The following KCND2 variants were observed in gnomAD, a reference collection of about 807,000 sequenced individuals.
KCND2 encodes A-type voltage-gated potassium channel KCND2.
In KCND2, 16 loss-of-function variants were observed where a neutral mutation model predicts 54.4. That is an observed-to-expected ratio of 0.29 (90% CI 0.20 to 0.45). The LOEUF (loss-of-function observed/expected upper bound fraction) is 0.45. Among genes scored for constraint, KCND2 ranks in the 20% least tolerant of loss-of-function variants. The pLI is 1.00. For missense variants in KCND2, 486 were observed against 824.2 expected (o/e 0.59, Z 5.02); for synonymous variants, 317 against 310.7 (o/e 1.02, Z -0.21).
intron 1 of KCND2, among the ~76,000 whole-genome samples, chr7:120,662,053 G>T (rs1490565038): frequency 1.3e-5 from 2 of 151,924 alleles, no homozygotes; most frequent in African/African-American, 4.8e-5. Context: ...CAATTCTTTG[G>T]CTCTTCATTT....
At chr7:120,298,796 G>A (rs908974190) in intron 1 of KCND2, among the ~76,000 whole-genome samples, 10 of 152,208 alleles carry the variant, frequency 6.6e-5, no homozygotes, top group African/African-American at 1.9e-4. Flanking sequence ...ATTAGAAAGT[G>A]TAGCGAAGTC....
chr7:120,360,346 A>G (rs1800575882), intron 1 of KCND2, among the ~76,000 whole-genome samples: 1 of 152,016 alleles, frequency 6.6e-6, no homozygotes, highest in Non-Finnish European at 1.5e-5. Context: ...ATTTCCAGTG[A>G]TATCCTAATA....
At chr7:120,344,117 T>C (rs1800278973) in intron 1 of KCND2, among the ~76,000 whole-genome samples, 1 of 152,198 alleles carries the variant, frequency 6.6e-6, no homozygotes, top group Admixed American at 6.5e-5. Flanking sequence ...GTCATAGTTA[T>C]AGCAACCGAA....
intron 1 of KCND2, among the ~76,000 whole-genome samples, chr7:120,315,764 CAGTGTG>C (rs892817619): frequency 9.7e-6 from 1 of 103,582 alleles, no homozygotes; most frequent in African/African-American, 3.9e-5. Context: ...TTTCCATAAG[CAGTGTG>C]TGTGTGTGTG....
At position 120,517,003 on chromosome 7, in the gene KCND2, G is replaced by A. The variant is rs774538302; in HGVS notation, c.1116-215900G>A. On this transcript the variant is annotated intron_variant, in intron 1 of 5. Coordinates refer to ENST00000331113, the MANE Select transcript of KCND2 (RefSeq NM_012281.3). ...TGTCAAAATTTTATTTTCTCCAAAG[G>A]AAACTATTTGATCCAGTAAAATAAT... Among the ~76,000 whole-genome samples the A allele has an allele frequency of 2.1e-3, 312 of 152,146 alleles. 1 individual carries two copies. Among genetic ancestry groups the A allele is most frequent in the Non-Finnish European group, 3.4e-3 (234 of 67,956 alleles).
intron 1 of KCND2, among the ~76,000 whole-genome samples, chr7:120,400,141 G>A (rs1467059207): frequency 6.6e-6 from 1 of 151,940 alleles, no homozygotes; most frequent in Admixed American, 6.6e-5. Flanking sequence ...GCAAAAATAG[G>A]GGTCAAAGCA....
chr7:120,700,610 T>TA (rs1258465566), intron 1 of KCND2, among the ~76,000 whole-genome samples: 2 of 152,186 alleles, frequency 1.3e-5, no homozygotes, highest in Admixed American at 6.5e-5. Flanking sequence ...TTGGAGAATT[T>TA]AAAAAATAGA....
rs1347500811 is a variant in KCND2, at chr7:120,441,687, CAACT to C, written c.1115+165947_1115+165950del. ...GAAGATTTTCCTGTATCTAGTTAGA[CAACT>C]AACTAATTGCTGAGTGAGTTAAACA... is the stretch of plus-strand genomic sequence containing the variant. On this transcript the variant is annotated intron_variant, in intron 1 of 5. Transcript: ENST00000331113. Among the ~76,000 whole-genome samples the C allele has an allele frequency of 5.9e-5, 9 of 152,148 alleles. No individual in the cohort carries two copies. In the South Asian group the frequency reaches 1.0e-3, roughly 18 times the overall value.
At chr7:120,669,474 G>T (rs1791965824) in intron 1 of KCND2, among the ~76,000 whole-genome samples, 2 of 151,818 alleles carry the variant, frequency 1.3e-5, no homozygotes, top group Admixed American at 1.3e-4. Context: ...TTTTTGACTT[G>T]GTGCCCTGGA....
At chr7:120,499,990 A>C (rs961699146) in intron 1 of KCND2, among the ~76,000 whole-genome samples, 1 of 152,200 alleles carries the variant, frequency 6.6e-6, no homozygotes, top group African/African-American at 2.4e-5. Context: ...GAAATGCAAT[A>C]GCCATAGATG....
chr7:120,644,014 CTCAAA>C (rs1450608653), intron 1 of KCND2, among the ~76,000 whole-genome samples: 1 of 151,974 alleles, frequency 6.6e-6, no homozygotes, highest in Non-Finnish European at 1.5e-5. Flanking sequence ...CATAAACCAT[CTCAAA>C]ATGAACTTTG....
intron 1 of KCND2, among the ~76,000 whole-genome samples, chr7:120,460,114 A>G (rs1489756628): frequency 4.6e-5 from 7 of 152,050 alleles, no homozygotes; most frequent in Non-Finnish European, 1.0e-4. Context: ...TTTCCTAGCT[A>G]TATTCTAGGG....
In KCND2 at chr7:120,465,818, A is replaced by G. The variant is rs147586178; in HGVS notation, c.1115+190071A>G. 4.7e-3 allele frequency among the ~76,000 whole-genome samples: 716 copies of G among 152,324 alleles called. 6 individuals carry two copies. Among genetic ancestry groups the G allele is most frequent in the African/African-American group, 0.016 (673 of 41,576 alleles). ...TGAAAGAATTACCCCAAAGAAAAGC[A>G]TAAGAATATAGGAGTGAGAATCAAC... On this transcript the variant is annotated intron_variant, in intron 1 of 5. Transcript: ENST00000331113.
At chr7:120,574,484 G>C (rs1792402717) in intron 1 of KCND2, among the ~76,000 whole-genome samples, 1 of 152,124 alleles carries the variant, frequency 6.6e-6, no homozygotes, top group Non-Finnish European at 1.5e-5. Flanking sequence ...TTTAAAAGGA[G>C]AGAATCTTAA....
chr7:120,474,980 A>G (rs765657230), intron 1 of KCND2, among the ~76,000 whole-genome samples: 1 of 152,178 alleles, frequency 6.6e-6, no homozygotes, highest in Non-Finnish European at 1.5e-5. Flanking sequence ...ACGTAGAACT[A>G]TAGGTGCACA....
chr7:120,350,760 G>GATAGCCTATAACTGACA (rs1308057292), intron 1 of KCND2, among the ~76,000 whole-genome samples: 2 of 152,140 alleles, frequency 1.3e-5, no homozygotes, highest in Non-Finnish European at 2.9e-5. Flanking sequence ...CTGTTCCCAT[G>GATAGCCTATAACTGACA]ATAGCCTATA....
At chr7:120,535,409 C>T (rs866538166) in intron 1 of KCND2, among the ~76,000 whole-genome samples, 1 of 152,020 alleles carries the variant, frequency 6.6e-6, no homozygotes, top group Non-Finnish European at 1.5e-5. Flanking sequence ...ATAGGTGTTT[C>T]GTGGCAACAT....
At chr7:120,745,010 A>G (rs1018242611) in intron 4 of KCND2, among the ~76,000 whole-genome samples, 1 of 152,104 alleles carries the variant, frequency 6.6e-6, no homozygotes, top group African/African-American at 2.4e-5. Flanking sequence ...GCCTATTGCT[A>G]TTTGCTACTG....
At chr7:120,310,929 C>CT (rs1370611538) in intron 1 of KCND2, among the ~76,000 whole-genome samples, 1 of 135,644 alleles carries the variant, frequency 7.4e-6, no homozygotes, top group African/African-American at 2.8e-5. Flanking sequence ...GAGGGAGACT[C>CT]TGTCCAAAAA....
Sources: allele counts gnomAD v4.1 joint callset (sites outside exome capture counted in the v4.1 genomes callset), GRCh38; gene constraint gnomAD v4.1.1; transcripts MANE v1.5; gene names NCBI Gene and HGNC (gene_info 2026-07-23, HGNC 2026-07-21).